The following BAHCC1 variants were observed in gnomAD, a reference collection of about 807,000 sequenced individuals.
The protein encoded by BAHCC1 is BAH domain and coiled-coil containing 1.
A neutral mutation model predicts 88.2 loss-of-function variants in BAHCC1; 43 were observed. The observed-to-expected ratio is 0.49, with a 90% CI of 0.38 to 0.63. The LOEUF (loss-of-function observed/expected upper bound fraction) is 0.63, where lower values mean the gene tolerates loss of function less well. Ranked by LOEUF, BAHCC1 falls within the 20% of genes least tolerant of loss-of-function variation. The pLI, the probability that BAHCC1 is intolerant of heterozygous loss-of-function variation, is 0.00. For missense variants in BAHCC1, 3,023 were observed against 1,654.8 expected (o/e 1.83, Z -14.34); for synonymous variants, 1,510 against 745.5 (o/e 2.03, Z -16.71).
intron 2 of BAHCC1, chr17:81,422,789 C>T (rs1234490035): frequency 6.8e-6 from 3 of 443,650 alleles, no homozygotes; most frequent in Non-Finnish European, 4.5e-6. Flanking sequence ...TAGTTGCTTC[C>T]CACCATCCCG....
rs1341630799 is a variant in BAHCC1, at chr17:81,435,774, G to T, written c.359-2596G>T. On this transcript the variant is annotated intron_variant, in intron 3 of 27. Transcript: ENST00000675386. The surrounding 1 kb of genome is among the most constrained non-coding windows in gnomAD (Gnocchi z 4.4). Reference sequence around the variant, plus strand: ...AGTGGCAACCCCTTCCAGGATGCCTGTGTGTCCCCGGCCCGGCCGCAGCAG... The same window carrying T: ...AGTGGCAACCCCTTCCAGGATGCCTTTGTGTCCCCGGCCCGGCCGCAGCAG... 4.6e-5 allele frequency among the ~76,000 whole-genome samples: 7 copies of T among 151,286 alleles called. No homozygotes were observed. The highest frequency in any genetic ancestry group is 1.7e-4 in the African/African-American group (7 of 41,090).
In BAHCC1 at chr17:81,419,898, C is replaced by T. The variant is rs1481907726; in HGVS notation, c.179-6902C>T. On this transcript the variant is annotated intron_variant, in intron 2 of 27. Transcript: ENST00000675386. ...ACAAATGCTCGCTCTGCCGGCTCCG[C>T]GCCCGCCTCTCCCGGCTCCCGGGCC... is the stretch of plus-strand genomic sequence containing the variant. 7.9e-5 allele frequency among the ~76,000 whole-genome samples: 12 copies of T among 152,024 alleles called. No individual in the cohort carries two copies. In the East Asian group the frequency reaches 1.4e-3, roughly 17 times the overall value.
chr17:81,404,145 T>C (rs1401132542), intron 2 of BAHCC1, among the ~76,000 whole-genome samples: 1 of 151,972 alleles, frequency 6.6e-6, no homozygotes, highest in South Asian at 2.1e-4. Flanking sequence ...ACAAAATGCA[T>C]AGGAGGCTGT....
chr17:81,429,725 C>T (rs1459332681), intron 3 of BAHCC1, among the ~76,000 whole-genome samples: 1 of 152,202 alleles, frequency 6.6e-6, no homozygotes, highest in Non-Finnish European at 1.5e-5. Flanking sequence ...GGGCAGGAGG[C>T]AGGTGCCTGG....
At position 81,459,313 on chromosome 17, in the gene BAHCC1, G is replaced by A; in HGVS notation, c.5781G>A (p.Gln1927=). 1.3e-6 allele frequency: 1 copy of A among 779,152 alleles called. No homozygotes were observed. Among genetic ancestry groups the A allele is most frequent in the Non-Finnish European group, 2.4e-6 (1 of 417,690 alleles). The allele number at this position is 779,152 out of a possible 1,614,324, so 48.3% of individuals were successfully genotyped here. Residue 1927 remains glutamine (Q), a synonymous_variant, in exon 22 of 28, where the codon CAG becomes CAA. Coordinates refer to ENST00000675386, the MANE Select transcript of BAHCC1 (RefSeq NM_001377448.1). Reference sequence around the variant, plus strand: ...GGCAGAGGATCTACTCACTGGAGCAGCTGCTGCAGGAAGCGGTGAGGACCG... The same window carrying A: ...GGCAGAGGATCTACTCACTGGAGCAACTGCTGCAGGAAGCGGTGAGGACCG... ...GNRQRIYSLE[Q]LLQEAVLDVR...
At chr17:81,412,712 C>T (rs948678259) in intron 2 of BAHCC1, among the ~76,000 whole-genome samples, 2 of 152,256 alleles carry the variant, frequency 1.3e-5, no homozygotes, top group African/African-American at 4.8e-5. Context: ...GGCTCTGTCT[C>T]TTCCCTGCAT....
chr17:81,460,411 T>C lies in BAHCC1; in HGVS notation c.6025+15T>C. The C allele has an allele frequency of 1.3e-6, 1 of 751,750 alleles. No homozygotes were observed. The highest frequency in any genetic ancestry group is 2.5e-5 in the East Asian group (1 of 39,360). 46.6% of individuals were successfully genotyped at this position (751,750 alleles called of 1,614,324 possible). On this transcript the variant is annotated intron_variant, in intron 24 of 27. Transcript: ENST00000675386. Reference sequence around the variant, plus strand: ...CAAGATCCAGTGTGAGCCTGGGAGCTGCACGGGGCAGGGCCCTGCCTGGGC... The same window carrying C: ...CAAGATCCAGTGTGAGCCTGGGAGCCGCACGGGGCAGGGCCCTGCCTGGGC...
In BAHCC1 at chr17:81,399,196, C is replaced by T. The variant is rs1416945735; in HGVS notation, c.-206-338C>T. 5 of 422,014 alleles carry T rather than the reference C, an allele frequency of 1.2e-5. No individual in the cohort carries two copies. The highest frequency in any genetic ancestry group is 1.0e-4 in the Admixed American group (4 of 39,318). The allele number at this position is 422,014 out of a possible 1,614,324, so 26.1% of individuals were successfully genotyped here. On this transcript the variant is annotated intron_variant, in intron 1 of 27. Transcript: ENST00000675386. The surrounding 1 kb of genome is among the most constrained non-coding windows in gnomAD (Gnocchi z 4.5). ...TTCGCAGATTTGGGTTTTTATCACC[C>T]AGCAGAGCCAGCAGCCTCTTCGCCG...
At chr17:81,438,174 C>G (rs566629186) in intron 3 of BAHCC1, among the ~76,000 whole-genome samples, 196 bp from the exon 4 acceptor site, 1 of 152,362 alleles carries the variant, frequency 6.6e-6, no homozygotes, top group African/African-American at 2.4e-5. Flanking sequence ...TTGTGCCGCA[C>G]CGGAGGGATG....
intron 14 of BAHCC1, 88 bp downstream of exon 14, chr17:81,452,939 C>T (rs1335737594): frequency 4.8e-6 from 3 of 620,608 alleles, no homozygotes; most frequent in South Asian, 3.6e-5. Context: ...TCCCCTGAGG[C>T]TTCCAGGCTG....
In BAHCC1 at chr17:81,456,564, G is replaced by A. The variant is rs1555657365; in HGVS notation, c.4837G>A (p.Val1613Met). 10 of 708,138 alleles carry A rather than the reference G, an allele frequency of 1.4e-5. No homozygotes were observed. Among genetic ancestry groups the A allele is most frequent in the Non-Finnish European group, 2.4e-5 (9 of 381,828 alleles). 43.9% of individuals were successfully genotyped at this position (708,138 alleles called of 1,614,324 possible). ...ETPRCPAQPS[V>M]AASQEAGSGY... ...ACCCAGGTGCCCAGCCCAGCCCTCCGTGGCTGCGTCCCAGGAGGCAGGCAA... is the reference window on the plus strand; with the variant it reads ...ACCCAGGTGCCCAGCCCAGCCCTCCATGGCTGCGTCCCAGGAGGCAGGCAA... The change falls in exon 16 of 28, where the codon GTG becomes ATG. Residue 1613 changes from valine to methionine, a missense_variant. Transcript: ENST00000675386.
chr17:81,406,980 G>A (rs781939880), intron 2 of BAHCC1: 5 of 456,202 alleles, frequency 1.1e-5, no homozygotes, highest in Middle Eastern at 6.5e-4. Flanking sequence ...GGAAGGGAGG[G>A]ACAAACAGGT....
At chr17:81,426,070 G>T in intron 2 of BAHCC1, among the ~76,000 whole-genome samples, 1 of 109,204 alleles carries the variant, frequency 9.2e-6, no homozygotes, top group Non-Finnish European at 2.0e-5. Context: ...TGGGTGATGT[G>T]GTTGGTGGTG....
chr17:81,438,515 G>A (rs781896041), intron 4 of BAHCC1, 23 bp downstream of exon 4: 22 of 756,312 alleles, frequency 2.9e-5, no homozygotes, highest in South Asian at 1.1e-4. Flanking sequence ...TGGGACCGGC[G>A]TGGGGAGCAG....
At chr17:81,459,422 C>A in intron 22 of BAHCC1, 74 bp from the exon 23 acceptor site, 2 of 764,956 alleles carry the variant, frequency 2.6e-6, no homozygotes, top group South Asian at 1.4e-5. Flanking sequence ...CACTCCCAGG[C>A]CCAGGGACCA....
intron 3 of BAHCC1, among the ~76,000 whole-genome samples, chr17:81,427,737 C>T (rs1234581703): frequency 1.3e-5 from 2 of 152,200 alleles, no homozygotes; most frequent in African/African-American, 2.4e-5. Context: ...CCCCGCCCCC[C>T]GCGGCTGGCA....
At position 81,435,323 on chromosome 17, in the gene BAHCC1, C is replaced by G. The variant is rs1369220867; in HGVS notation, c.359-3047C>G. ...GCTTTGAGCCTCTGTCTCCTGCAGTCTGTCCCATCACAGGACTGAGTTTGG... is the reference window on the plus strand; with the variant it reads ...GCTTTGAGCCTCTGTCTCCTGCAGTGTGTCCCATCACAGGACTGAGTTTGG... On this transcript the variant is annotated intron_variant, in intron 3 of 27. Coordinates refer to ENST00000675386, the MANE Select transcript of BAHCC1 (RefSeq NM_001377448.1). This position sits in a 1 kb window ranked among gnomAD's most constrained non-coding sequence, Gnocchi z 4.4. 2.0e-5 allele frequency: 8 copies of G among 406,544 alleles called. No homozygotes were observed. The East Asian group carries it at 2.2e-4, about 11-fold the overall frequency. The allele number at this position is 406,544 out of a possible 1,614,324, so 25.2% of individuals were successfully genotyped here. A position where few individuals can be genotyped will look rare whatever the true frequency, so the allele number is the denominator to read the frequency against.
At chr17:81,432,607 CGT>C (rs2064276553) in intron 3 of BAHCC1, among the ~76,000 whole-genome samples, 1 of 131,254 alleles carries the variant, frequency 7.6e-6, no homozygotes, top group African/African-American at 2.9e-5. Flanking sequence ...ACCCAACCTC[CGT>C]CCCCAGCCCT....
At chr17:81,407,337 TAAGA>T (rs1165862120) in intron 2 of BAHCC1, 6 of 519,914 alleles carry the variant, frequency 1.2e-5, no homozygotes, top group Admixed American at 1.9e-5. Flanking sequence ...CCATATTAAG[TAAGA>T]AAGAAACCAG....
Sources: allele counts gnomAD v4.1 joint callset (sites outside exome capture counted in the v4.1 genomes callset), GRCh38; gene constraint gnomAD v4.1.1; non-coding constraint Gnocchi (gnomAD v3.1); transcripts MANE v1.5; gene names NCBI Gene and HGNC (gene_info 2026-07-23, HGNC 2026-07-21).